Variants in LSAMP observed in about 807,000 individuals in gnomAD.
LSAMP encodes the protein limbic system associated membrane protein.
Under a neutral mutation model 38.6 loss-of-function variants are expected in LSAMP, and 7 were observed. The observed-to-expected ratio is 0.18, with a 90% CI of 0.10 to 0.34. LSAMP has a LOEUF of 0.34. LSAMP is among the 10% of genes least tolerant of loss of function. The probability of loss-of-function intolerance (pLI) is 1.00; values close to 1 mark genes in which losing one functional copy is unlikely to be tolerated. For synonymous variants in LSAMP, 154 were observed against 166.8 expected, an observed-to-expected ratio of 0.92 and a Z score of 0.59; for missense variants, 313 against 420.0, an observed-to-expected ratio of 0.75 and a Z score of 2.23.
At chr3:115,939,584 C>CTTTCTTTCTT (rs1576237854) in intron 3 of LSAMP, among the ~76,000 whole-genome samples, 4 of 131,794 alleles carry the variant, frequency 3.0e-5, no homozygotes, top group South Asian at 2.5e-4. Flanking sequence ...TTCTTTCTTT[C>CTTTCTTTCTT]TGTTAAGAGA....
intron 3 of LSAMP, among the ~76,000 whole-genome samples, chr3:115,952,558 G>T (rs1234837303): frequency 6.6e-6 from 1 of 152,190 alleles, no homozygotes; most frequent in Admixed American, 6.6e-5. Context: ...GGACTTTGGG[G>T]ATTCAGGGGG....
intron 1 of LSAMP, among the ~76,000 whole-genome samples, chr3:116,089,307 T>C (rs1274336607): frequency 1.3e-5 from 2 of 152,208 alleles, no homozygotes; most frequent in East Asian, 3.8e-4. Context: ...AAAATTCGTC[T>C]TTTACTGACA....
intron 2 of LSAMP, among the ~76,000 whole-genome samples, chr3:116,057,202 C>T (rs1941505624): frequency 6.6e-6 from 1 of 152,118 alleles, no homozygotes; most frequent in African/African-American, 2.4e-5. Flanking sequence ...CTTAGTGGCA[C>T]ATTTACCAAA....
chr3:116,212,206 G>A (rs2046165822), intron 1 of LSAMP, among the ~76,000 whole-genome samples: 1 of 152,212 alleles, frequency 6.6e-6, no homozygotes, highest in Non-Finnish European at 1.5e-5. Context: ...GGGATTGAGA[G>A]AATGCTTATG....
chr3:116,299,307 A>T (rs1476217782), intron 1 of LSAMP, among the ~76,000 whole-genome samples: 1 of 152,218 alleles, frequency 6.6e-6, no homozygotes, highest in South Asian at 2.1e-4. Flanking sequence ...TAAAGGAGAC[A>T]GAGTCTCACG....
At chr3:116,252,522 T>C (rs1441385486) in intron 1 of LSAMP, among the ~76,000 whole-genome samples, 2 of 151,878 alleles carry the variant, frequency 1.3e-5, no homozygotes, top group Non-Finnish European at 2.9e-5. Context: ...TTCTCAATAA[T>C]GTATGAAAAA....
chr3:116,249,029 G>A (rs1425769050), intron 1 of LSAMP, among the ~76,000 whole-genome samples: 3 of 151,640 alleles, frequency 2.0e-5, no homozygotes, highest in Non-Finnish European at 4.4e-5. Flanking sequence ...GGCACCTGTA[G>A]TCCCAGCTAC....
intron 1 of LSAMP, among the ~76,000 whole-genome samples, chr3:116,351,170 T>G (rs559099761): frequency 6.6e-6 from 1 of 152,020 alleles, no homozygotes; most frequent in South Asian, 2.1e-4. Context: ...AAGTTCGGAT[T>G]TGGGGGAGTA....
intron 1 of LSAMP, among the ~76,000 whole-genome samples, chr3:116,115,827 TTTG>T (rs1014136542): frequency 6.6e-6 from 1 of 152,200 alleles, no homozygotes; most frequent in East Asian, 1.9e-4. Context: ...TATGACTTTT[TTTG>T]TTGTTGTTTT....
At chr3:115,948,853 C>T (rs1423088171) in intron 3 of LSAMP, among the ~76,000 whole-genome samples, 1 of 152,190 alleles carries the variant, frequency 6.6e-6, no homozygotes, top group African/African-American at 2.4e-5. Flanking sequence ...TAAATGAAGG[C>T]TAGGCATGGT....
At chr3:116,064,620 C>A (rs77822707) in intron 2 of LSAMP, among the ~76,000 whole-genome samples, 1 of 151,142 alleles carries the variant, frequency 6.6e-6, no homozygotes, top group African/African-American at 2.4e-5. Flanking sequence ...TTAACAGATA[C>A]AATTAAAATG....
chr3:116,049,296 T>A (rs1941348247), intron 2 of LSAMP, among the ~76,000 whole-genome samples: 1 of 152,210 alleles, frequency 6.6e-6, no homozygotes, highest in Non-Finnish European at 1.5e-5. Context: ...AAAGCTTGAT[T>A]CAGGGCCAGC....
At chr3:115,812,044 T>C (rs1239861443) in intron 6 of LSAMP, among the ~76,000 whole-genome samples, 4 of 152,182 alleles carry the variant, frequency 2.6e-5, no homozygotes, top group Admixed American at 2.0e-4. Flanking sequence ...CAAATTAAAC[T>C]TGGGTTTGAT....
At chr3:116,278,050 T>C (rs2047077998) in intron 1 of LSAMP, among the ~76,000 whole-genome samples, 1 of 152,178 alleles carries the variant, frequency 6.6e-6, no homozygotes, top group Non-Finnish European at 1.5e-5. Context: ...AATAATCCTA[T>C]AATAAAAGTG....
chr3:116,251,327 A>T (rs1211649355), intron 1 of LSAMP, among the ~76,000 whole-genome samples: 1 of 152,034 alleles, frequency 6.6e-6, no homozygotes, highest in African/African-American at 2.4e-5. Context: ...TTTGGTGTTG[A>T]TTTTTTTTGA....
chr3:116,149,846 T>A (rs752985275), intron 1 of LSAMP, among the ~76,000 whole-genome samples: 10 of 152,046 alleles, frequency 6.6e-5, no homozygotes, highest in Admixed American at 2.0e-4. Flanking sequence ...CTTATACACA[T>A]ACTGACTTCA....
chr3:116,422,282 C>T (rs1306505097), intron 1 of LSAMP, among the ~76,000 whole-genome samples: 1 of 152,054 alleles, frequency 6.6e-6, no homozygotes, highest in Non-Finnish European at 1.5e-5. Flanking sequence ...ATTCAACCAA[C>T]CTCAGACTGA....
intron 1 of LSAMP, among the ~76,000 whole-genome samples, chr3:116,207,949 C>T (rs1199162780): frequency 8.1e-5 from 12 of 148,452 alleles, no homozygotes; most frequent in Non-Finnish European, 1.8e-4. Context: ...CGTTGGCCTG[C>T]CTTGCTAGAT....
intron 6 of LSAMP, among the ~76,000 whole-genome samples, chr3:115,812,592 T>G (rs1577028348): frequency 1.3e-5 from 2 of 152,284 alleles, no homozygotes; most frequent in Admixed American, 1.3e-4. Context: ...AGTCTTTCTA[T>G]GTACACTAGA....
Sources: allele counts gnomAD v4.1 joint callset (sites outside exome capture counted in the v4.1 genomes callset), GRCh38; gene constraint gnomAD v4.1.1; transcripts MANE v1.5; gene names NCBI Gene and HGNC (gene_info 2026-07-23, HGNC 2026-07-21).